Variants in RORA observed in about 807,000 individuals in gnomAD.
RORA encodes the protein RAR related orphan receptor A.
In RORA, 7 loss-of-function variants were observed where a neutral mutation model predicts 69.5. The observed-to-expected ratio is 0.10, with a 90% CI of 0.06 to 0.19. The LOEUF (loss-of-function observed/expected upper bound fraction) is 0.19. Among genes scored for constraint, RORA ranks in the 10% least tolerant of loss-of-function variants. The pLI, the probability that RORA is intolerant of heterozygous loss-of-function variation, is 1.00. For missense variants in RORA, 457 were observed against 663.0 expected (o/e 0.69, Z 3.41); for synonymous variants, 261 against 240.8 (o/e 1.08, Z -0.78).
At chr15:61,150,657 A>G (rs1299689062) in intron 1 of RORA, among the ~76,000 whole-genome samples, 4 of 152,340 alleles carry the variant, frequency 2.6e-5, no homozygotes, top group Non-Finnish European at 5.9e-5. Flanking sequence ...TGAGGCATAG[A>G]TGACTAAACT....
chr15:60,513,126 G>A (rs953370890), intron 4 of RORA, among the ~76,000 whole-genome samples: 9 of 152,208 alleles, frequency 5.9e-5, no homozygotes, highest in South Asian at 4.1e-4. Context: ...AAGAGGACGC[G>A]CTGTCCTTGT....
At chr15:60,761,575 C>G (rs995024669) in intron 1 of RORA, among the ~76,000 whole-genome samples, 7 of 152,100 alleles carry the variant, frequency 4.6e-5, no homozygotes, top group African/African-American at 1.7e-4. Flanking sequence ...AATGTTGCTT[C>G]TATTTTTGCA....
At chr15:60,870,632 G>A (rs573793969) in intron 1 of RORA, among the ~76,000 whole-genome samples, 24 of 152,332 alleles carry the variant, frequency 1.6e-4, no homozygotes, top group African/African-American at 4.8e-4. Flanking sequence ...GCGTGGTGAC[G>A]CTCAAACACT....
chr15:60,987,884 T>C (rs1894255619), intron 1 of RORA, among the ~76,000 whole-genome samples: 1 of 152,218 alleles, frequency 6.6e-6, no homozygotes, highest in Non-Finnish European at 1.5e-5. Context: ...CACTCTGATC[T>C]TGAAGGCAAG....
At chr15:61,108,102 G>A (rs955857712) in intron 1 of RORA, among the ~76,000 whole-genome samples, 1 of 152,098 alleles carries the variant, frequency 6.6e-6, no homozygotes, top group Non-Finnish European at 1.5e-5. Flanking sequence ...CAATACAAAT[G>A]TCCATGGGAT....
intron 1 of RORA, among the ~76,000 whole-genome samples, chr15:61,124,807 TAAG>T (rs2079130294): frequency 6.6e-6 from 1 of 152,286 alleles, no homozygotes; most frequent in South Asian, 2.1e-4. Context: ...CTCCATCTGA[TAAG>T]AAGATCACAC....
intron 1 of RORA, among the ~76,000 whole-genome samples, chr15:60,796,257 T>C (rs1439489713): frequency 6.6e-6 from 1 of 152,070 alleles, no homozygotes; most frequent in Non-Finnish European, 1.5e-5. Flanking sequence ...AGGCTTGAGC[T>C]CAAGAGCTTC....
At chr15:60,798,190 C>G (rs914618944) in intron 1 of RORA, among the ~76,000 whole-genome samples, 2 of 150,880 alleles carry the variant, frequency 1.3e-5, no homozygotes, top group African/African-American at 4.9e-5. Context: ...CAGAAGCTTT[C>G]CTCCACCCCT....
intron 1 of RORA, among the ~76,000 whole-genome samples, chr15:61,028,090 C>T (rs1022711030): frequency 6.6e-6 from 1 of 152,174 alleles, no homozygotes; most frequent in Non-Finnish European, 1.5e-5. Context: ...GAATCCCATT[C>T]CTCTTCACAT....
rs551543236 is a variant in RORA, at chr15:60,534,395, C to T, written c.197-2544G>A. ...CTTCAGCTTGCAGGGGTTTTCAGAT[C>T]TGGAGGATATTTGAGCGGAGACAGT... On this transcript the variant is annotated intron_variant, in intron 2 of 10. Coordinates refer to ENST00000335670, the MANE Select transcript of RORA (RefSeq NM_134261.3). This position sits in a 1 kb window ranked among gnomAD's most constrained non-coding sequence, Gnocchi z 5.0. Among the ~76,000 whole-genome samples, 1 of 152,210 alleles carries T rather than the reference C, an allele frequency of 6.6e-6. No individual in the cohort carries two copies. The highest frequency in any genetic ancestry group is 2.1e-4 in the South Asian group (1 of 4,826).
chr15:60,562,663 G>A (rs1052488801), intron 2 of RORA, among the ~76,000 whole-genome samples: 6 of 149,822 alleles, frequency 4.0e-5, no homozygotes, highest in African/African-American at 1.5e-4. Context: ...AGCCAGGATG[G>A]TCTCGATCTC....
At chr15:61,121,408 C>G (rs2079103142) in intron 1 of RORA, among the ~76,000 whole-genome samples, 1 of 152,176 alleles carries the variant, frequency 6.6e-6, no homozygotes, top group South Asian at 2.1e-4. Flanking sequence ...ATATCTAACT[C>G]AAGCTCTAAC....
At chr15:61,029,212 A>G (rs1896006138) in intron 1 of RORA, among the ~76,000 whole-genome samples, 1 of 152,090 alleles carries the variant, frequency 6.6e-6, no homozygotes, top group South Asian at 2.1e-4. Context: ...CAATAAATCT[A>G]TGTGAAAATA....
intron 1 of RORA, among the ~76,000 whole-genome samples, chr15:60,763,653 G>A (rs2071934162): frequency 6.6e-6 from 1 of 152,088 alleles, no homozygotes; most frequent in African/African-American, 2.4e-5. Context: ...AGCATACGTG[G>A]GAAAATATGC....
At position 61,204,099 on chromosome 15, in the gene RORA, G is replaced by A. The variant is rs1227787710; in HGVS notation, c.166+24954C>T. Among the ~76,000 whole-genome samples, 7 of 152,168 alleles carry A rather than the reference G, an allele frequency of 4.6e-5. No individual in the cohort carries two copies. The East Asian group carries it at 1.4e-3, about 29-fold the overall frequency. On this transcript the variant is annotated intron_variant, in intron 1 of 10. Transcript: ENST00000335670. ...CTGTGAATTCAGGTGAGTTGTGAGC[G>A]CTGTAATGCAGAAAATACAGGTGCT...
chr15:61,171,996 G>A (rs2079589221), intron 1 of RORA, among the ~76,000 whole-genome samples: 1 of 152,204 alleles, frequency 6.6e-6, no homozygotes, highest in African/African-American at 2.4e-5. Flanking sequence ...TGAAGGGCAT[G>A]CACATTAGCA....
intron 2 of RORA, among the ~76,000 whole-genome samples, chr15:60,653,124 A>G (rs2070168945): frequency 6.6e-6 from 1 of 152,186 alleles, no homozygotes; most frequent in Admixed American, 6.5e-5. Flanking sequence ...CCACTTTGAA[A>G]GTGATTTTTT....
intron 1 of RORA, among the ~76,000 whole-genome samples, chr15:60,961,271 A>G (rs1006354263): frequency 2.6e-5 from 4 of 152,108 alleles, no homozygotes; most frequent in Non-Finnish European, 5.9e-5. Context: ...CATAACTCCT[A>G]TATCTGCTAC....
chr15:61,177,869 G>A (rs1051041296), intron 1 of RORA, among the ~76,000 whole-genome samples: 2 of 151,768 alleles, frequency 1.3e-5, no homozygotes, highest in African/African-American at 2.4e-5. Flanking sequence ...GGCTGAGCCA[G>A]GAGAATCCCT....
Sources: allele counts gnomAD v4.1 joint callset (sites outside exome capture counted in the v4.1 genomes callset), GRCh38; gene constraint gnomAD v4.1.1; non-coding constraint Gnocchi (gnomAD v3.1); transcripts MANE v1.5; gene names NCBI Gene and HGNC (gene_info 2026-07-23, HGNC 2026-07-21).